Variants in DNAH11 observed in about 807,000 individuals in gnomAD.
DNAH11 encodes dynein axonemal heavy chain 11, also known as axonemal beta dynein heavy chain 11.
Under a neutral mutation model 526.0 loss-of-function variants are expected in DNAH11, and 442 were observed. The ratio of observed to expected loss-of-function variants is 0.84; its 90% confidence interval spans 0.78 to 0.91. DNAH11 has a LOEUF of 0.91. DNAH11 is among the 40% of genes least tolerant of loss of function. DNAH11 has a pLI of 0.00. For missense variants in DNAH11, 6,989 were observed against 5,448.7 expected (o/e 1.28, Z -8.90); for synonymous variants, 2,461 against 1,935.9 (o/e 1.27, Z -7.12).
intron 8 of DNAH11, among the ~76,000 whole-genome samples, chr7:21,573,405 G>A (rs1333863901): frequency 1.3e-5 from 2 of 152,078 alleles, no homozygotes; most frequent in African/African-American, 2.4e-5. Flanking sequence ...TCTTGCCTTA[G>A]AATCTAGAAG....
intron 65 of DNAH11, among the ~76,000 whole-genome samples, chr7:21,832,081 C>T (rs914344715): frequency 6.7e-6 from 1 of 148,266 alleles, no homozygotes; most frequent in African/African-American, 2.6e-5. Flanking sequence ...CAGAGTGAGA[C>T]TCCATCTCAA....
rs1554281335 is a variant in DNAH11, at chr7:21,789,808, T to TTTTCTTTCTTTCTTTCTTTCTTTC, written c.10026+488_10026+511dup. Reference sequence around the variant, plus strand: ...TTCTTTCTTTCTTTCTTTCTTTCTTTTTTCTTTCTTTCTTTCTTTCTTTCT... The same window carrying TTTTCTTTCTTTCTTTCTTTCTTTC: ...TTCTTTCTTTCTTTCTTTCTTTCTTTTTTCTTTCTTTCTTTCTTTCTTTCTTTCTTTCTTTCTTTCTTTCTTTCT... On this transcript the variant is annotated intron_variant, in intron 61 of 81. Transcript: ENST00000409508. 1.7e-3 allele frequency among the ~76,000 whole-genome samples: 59 copies of TTTTCTTTCTTTCTTTCTTTCTTTC among 34,122 alleles called. 1 individual carries two copies. The highest frequency in any genetic ancestry group is 5.6e-3 in the East Asian group (9 of 1,610). 22.4% of individuals were successfully genotyped at this position (34,122 alleles called of 152,430 possible). A position where few individuals can be genotyped will look rare whatever the true frequency, so the allele number is the denominator to read the frequency against.
rs542833146 is a variant in DNAH11, at chr7:21,636,029, A to G, written c.4659A>G (p.Ser1553=). Residue 1553 remains serine, a synonymous_variant, in exon 26 of 82, where the codon TCA becomes TCG. Transcript: ENST00000409508. ...WSHLESIFVC[S]EDIRIQLVKD... The stretch of plus-strand genomic sequence containing the variant: ...ACCTGGAAAGCATTTTTGTCTGTTC[A>G]GAAGATATTCGAATCCAGCTTGTGA... The G allele has an allele frequency of 1.2e-6, 2 of 1,613,736 alleles. No homozygotes were observed. The highest frequency in any genetic ancestry group is 1.7e-6 in the Non-Finnish European group (2 of 1,179,786).
At chr7:21,588,785 C>G in intron 11 of DNAH11, 149 bp downstream of exon 11, 1 of 871,154 alleles carries the variant, frequency 1.1e-6, no homozygotes, top group Non-Finnish European at 1.7e-6. Flanking sequence ...GGGATTCATT[C>G]CCATGGTTTT....
At chr7:21,709,413 G>C (rs888309469) in intron 40 of DNAH11, among the ~76,000 whole-genome samples, 1 of 152,078 alleles carries the variant, frequency 6.6e-6, no homozygotes, top group East Asian at 1.9e-4. Flanking sequence ...TTGACACTGA[G>C]GCCTATTAGA....
intron 45 of DNAH11, among the ~76,000 whole-genome samples, chr7:21,729,756 C>T (rs1391095267): frequency 6.6e-6 from 1 of 152,060 alleles, no homozygotes; most frequent in African/African-American, 2.4e-5. Flanking sequence ...TCTTTAATGT[C>T]CATATTTCCA....
rs140391549 is a variant in DNAH11 at position 21,646,006 on chromosome 7, A to G, written c.4944+6941A>G. On this transcript the variant is annotated intron_variant, in intron 28 of 81. Transcript: ENST00000409508. ...AAAAGATGCTCTTAAGAGAATAACA[A>G]TGCAAGCTGCAAAGTGGGAAAAGGT... is the stretch of plus-strand genomic sequence containing the variant. Among the ~76,000 whole-genome samples, 423 of 152,316 alleles carry G rather than the reference A, an allele frequency of 2.8e-3. 6 individuals carry two copies. The highest frequency in any genetic ancestry group is 9.9e-3 in the African/African-American group (410 of 41,580).
intron 1 of DNAH11, 46 bp downstream of exon 1, chr7:21,543,642 C>T: frequency 6.5e-7 from 1 of 1,536,794 alleles, no homozygotes; most frequent in African/African-American, 1.4e-5. Flanking sequence ...ACAAAACTAC[C>T]CAGGGGAGAC....
intron 54 of DNAH11, among the ~76,000 whole-genome samples, chr7:21,760,801 C>G (rs1165355446): frequency 6.6e-6 from 1 of 152,166 alleles, no homozygotes; most frequent in South Asian, 2.1e-4. Context: ...GGTTAGCCAC[C>G]TTCCCACCAG....
chr7:21,888,451 C>T (rs934329477), intron 76 of DNAH11, among the ~76,000 whole-genome samples: 3 of 152,068 alleles, frequency 2.0e-5, no homozygotes, highest in Admixed American at 6.6e-5. Flanking sequence ...TTTCTAATAA[C>T]TGTGCCTGCC....
intron 63 of DNAH11, among the ~76,000 whole-genome samples, chr7:21,813,324 T>C (rs2127998910): frequency 6.6e-6 from 1 of 152,284 alleles, no homozygotes; most frequent in Non-Finnish European, 1.5e-5. Flanking sequence ...TAATTAGTTA[T>C]TAGTTATTAA....
At position 21,749,660 on chromosome 7, in the gene DNAH11, G is replaced by C; in HGVS notation, c.8674-18G>C. ...ATCAGCATTTTAACAAAACATGAGT[G>C]ATGGCCTTTCCTTACAGGTAGATCT... is the stretch of plus-strand genomic sequence containing the variant. On this transcript the variant is annotated intron_variant, in intron 52 of 81. Transcript: ENST00000409508. 6.2e-7 allele frequency: 1 copy of C among 1,613,546 alleles called. No individual in the cohort carries two copies. Among genetic ancestry groups the C allele is most frequent in the Non-Finnish European group, 8.5e-7 (1 of 1,179,664 alleles).
chr7:21,577,668 G>T (rs1784150787), intron 8 of DNAH11, among the ~76,000 whole-genome samples: 1 of 152,200 alleles, frequency 6.6e-6, no homozygotes, highest in African/African-American at 2.4e-5. Flanking sequence ...TAAATGCCGA[G>T]TGGAGAACCT....
intron 27 of DNAH11, among the ~76,000 whole-genome samples, chr7:21,638,691 GGTGTGTGTGTGTGTGTGTGTGT>G (rs56257528): frequency 6.9e-6 from 1 of 144,118 alleles, no homozygotes; most frequent in African/African-American, 2.6e-5. Flanking sequence ...CAGCTAATGG[GGTGTGTGTGTGTGTGTGTGTGT>G]GTGTGTGTGT....
chr7:21,724,092 A>G (rs1784983466), intron 44 of DNAH11, among the ~76,000 whole-genome samples: 1 of 152,192 alleles, frequency 6.6e-6, no homozygotes, highest in Non-Finnish European at 1.5e-5. Context: ...TGAATGAAAG[A>G]TTTGTCACCA....
At chr7:21,744,685 T>A in intron 50 of DNAH11, 86 bp downstream of exon 50, 1 of 1,538,816 alleles carries the variant, frequency 6.5e-7, no homozygotes, top group Non-Finnish European at 8.8e-7. Flanking sequence ...ATGAGAGAAG[T>A]GCACAAGGGC....
rs377518797 is a variant in DNAH11, at chr7:21,765,538, G to C, written c.9051G>C (p.Glu3017Asp). The C allele has an allele frequency of 1.3e-5, 21 of 1,610,062 alleles. No individual in the cohort carries two copies. The highest frequency in any genetic ancestry group is 1.1e-4 in the African/African-American group (8 of 74,820). ...AIDWFHAWPQ[E>D]ALVSVSRRFI... ...ACTGGTTTCATGCGTGGCCGCAGGA[G>C]GCTCTGGTCTCCGTCAGCAGGAGGT... Residue 3017 changes from glutamate (E) to aspartate (D), a missense_variant, in exon 55 of 82, where the codon GAG becomes GAC. Physicochemically the swap from Glu to Asp is conservative, Grantham distance 45 (BLOSUM62 2). Coordinates refer to ENST00000409508, the MANE Select transcript of DNAH11 (RefSeq NM_001277115.2).
chr7:21,614,015 A>C (rs2128451889), intron 20 of DNAH11, among the ~76,000 whole-genome samples: 1 of 151,794 alleles, frequency 6.6e-6, no homozygotes, highest in Non-Finnish European at 1.5e-5. Flanking sequence ...GGGCTCAAGC[A>C]ATCCACCTAC....
chr7:21,556,598 T>C (rs1047466752), intron 2 of DNAH11, among the ~76,000 whole-genome samples: 4 of 152,176 alleles, frequency 2.6e-5, no homozygotes, highest in African/African-American at 9.7e-5. Context: ...TCATGGGAGT[T>C]TGGTATACAG....
Sources: gnomAD v4.1 joint callset for allele counts (sites outside exome capture counted in the v4.1 genomes callset) on GRCh38, gnomAD v4.1.1 for gene constraint, MANE v1.5 for transcripts, NCBI Gene and HGNC (gene_info 2026-07-23, HGNC 2026-07-21) for gene names.